Variants in SCAPER observed in about 807,000 individuals in gnomAD.
SCAPER encodes S phase cyclin A-associated protein in the endoplasmic reticulum.
SCAPER carries 98 observed loss-of-function variants against 182.2 expected under a neutral mutation model. The ratio of observed to expected loss-of-function variants is 0.54; its 90% CI spans 0.46 to 0.64. The LOEUF (loss-of-function observed/expected upper bound fraction) is 0.64, where lower values mean the gene tolerates loss of function less well. Ranked by LOEUF, SCAPER falls within the 30% of genes least tolerant of loss-of-function variation. The probability of loss-of-function intolerance (pLI) is 0.00; values close to 1 mark genes in which losing one functional copy is unlikely to be tolerated. For synonymous variants in SCAPER, 605 were observed against 564.6 expected, an observed-to-expected ratio of 1.07 and a Z score of -1.01; for missense variants, 1,432 against 1,690.0, an observed-to-expected ratio of 0.85 and a Z score of 2.68.
intron 23 of SCAPER, among the ~76,000 whole-genome samples, chr15:76,549,643 G>A (rs2045588458): frequency 6.6e-6 from 1 of 152,058 alleles, no homozygotes; most frequent in South Asian, 2.1e-4. Context: ...TATACCTAAT[G>A]TTAAATGACG....
chr15:76,810,203 C>A (rs1001950879), intron 5 of SCAPER, among the ~76,000 whole-genome samples: 25 of 151,894 alleles, frequency 1.6e-4, no homozygotes, highest in African/African-American at 6.0e-4. Flanking sequence ...AATAAAAGAA[C>A]ATTTTATGAC....
At chr15:76,871,401 T>C (rs1595856756) in intron 2 of SCAPER, among the ~76,000 whole-genome samples, 1 of 118,936 alleles carries the variant, frequency 8.4e-6, no homozygotes, top group Non-Finnish European at 1.6e-5. Context: ...AGAACGAGAC[T>C]CCATCTCAAA....
At chr15:76,658,043 T>C (rs971161472) in intron 21 of SCAPER, among the ~76,000 whole-genome samples, 2 of 152,068 alleles carry the variant, frequency 1.3e-5, no homozygotes, top group African/African-American at 2.4e-5. Flanking sequence ...CTATTCAGCA[T>C]AGTACTGGAA....
At chr15:76,835,551 A>G (rs1181060034) in intron 5 of SCAPER, among the ~76,000 whole-genome samples, 1 of 152,226 alleles carries the variant, frequency 6.6e-6, no homozygotes, top group Non-Finnish European at 1.5e-5. Flanking sequence ...AACTGAAAAT[A>G]ATAAGAGCCA....
At chr15:76,411,503 A>G (rs2045285047) in intron 26 of SCAPER, among the ~76,000 whole-genome samples, 2 of 152,216 alleles carry the variant, frequency 1.3e-5, no homozygotes, top group Non-Finnish European at 2.9e-5. Flanking sequence ...CCTGTATGCT[A>G]TGATTTGTTT....
intron 28 of SCAPER, among the ~76,000 whole-genome samples, chr15:76,376,599 C>T (rs1256785206): frequency 6.6e-6 from 1 of 152,166 alleles, no homozygotes; most frequent in Non-Finnish European, 1.5e-5. Flanking sequence ...TTTTTAATAA[C>T]TTAATTTTTC....
intron 27 of SCAPER, among the ~76,000 whole-genome samples, chr15:76,392,893 C>T (rs1214325002): frequency 6.6e-6 from 1 of 152,164 alleles, no homozygotes; most frequent in African/African-American, 2.4e-5. Context: ...ACATTCTGCT[C>T]CTCTAAACCC....
intron 23 of SCAPER, among the ~76,000 whole-genome samples, chr15:76,544,251 A>AT (rs1414616467): frequency 1.3e-5 from 2 of 152,162 alleles, no homozygotes; most frequent in Admixed American, 1.3e-4. Context: ...CTTTGGAAAA[A>AT]TTTGCCAGTT....
chr15:76,817,865 C>G (rs1158581735), intron 5 of SCAPER, among the ~76,000 whole-genome samples: 1 of 152,096 alleles, frequency 6.6e-6, no homozygotes, highest in African/African-American at 2.4e-5. Context: ...GATAGGATGA[C>G]TCAATATTGT....
chr15:76,700,743 A>C lies in SCAPER; in HGVS notation c.2508+1015T>G, dbSNP rs534429021. Among the ~76,000 whole-genome samples the C allele has an allele frequency of 3.3e-5, 5 of 152,340 alleles. No homozygotes were observed. The East Asian group carries it at 9.6e-4, about 29-fold the overall frequency. On this transcript the variant is annotated intron_variant, in intron 20 of 31. Transcript: ENST00000563290. ...CAACTACAGACATGTTCCTGATGCT[A>C]CACAGGAGGGCACTGACATAAAGCT...
chr15:76,621,356 G>A (rs538092438), intron 22 of SCAPER, among the ~76,000 whole-genome samples: 15 of 152,214 alleles, frequency 9.9e-5, no homozygotes, highest in African/African-American at 2.4e-5. Flanking sequence ...GGACTGGCCC[G>A]AGGAACAATC....
At chr15:76,484,997 C>G (rs1022808331) in intron 24 of SCAPER, among the ~76,000 whole-genome samples, 2 of 152,184 alleles carry the variant, frequency 1.3e-5, no homozygotes, top group Non-Finnish European at 2.9e-5. Context: ...TGGCACAAGA[C>G]AAGGATGTCC....
At chr15:76,799,678 A>G (rs2065608536) in intron 7 of SCAPER, among the ~76,000 whole-genome samples, 1 of 152,202 alleles carries the variant, frequency 6.6e-6, no homozygotes, top group African/African-American at 2.4e-5. Flanking sequence ...TCTTGAAATA[A>G]GAAGGAACTG....
chr15:76,842,881 C>T (rs2069616540), intron 4 of SCAPER, among the ~76,000 whole-genome samples: 1 of 152,186 alleles, frequency 6.6e-6, no homozygotes, highest in Admixed American at 6.5e-5. Context: ...AGGTTCAGTG[C>T]TGATAGCTCT....
At chr15:76,437,589 C>T (rs1018289926) in intron 25 of SCAPER, among the ~76,000 whole-genome samples, 3 of 152,194 alleles carry the variant, frequency 2.0e-5, no homozygotes, top group Non-Finnish European at 4.4e-5. Context: ...TAGGTAATGT[C>T]AGGGTTCTTC....
At chr15:76,869,270 T>C (rs1438806393) in intron 2 of SCAPER, among the ~76,000 whole-genome samples, 2 of 152,086 alleles carry the variant, frequency 1.3e-5, no homozygotes, top group Admixed American at 1.3e-4. Flanking sequence ...CAAATGAGAC[T>C]ATATTAGTAA....
chr15:76,349,290 G>A (rs1448419603), intron 31 of SCAPER: 2 of 152,214 alleles, frequency 1.3e-5, no homozygotes, highest in Non-Finnish European at 2.9e-5. Flanking sequence ...GGGGAAAACT[G>A]TATGTAAATG....
intron 14 of SCAPER, among the ~76,000 whole-genome samples, chr15:76,763,127 CAT>C (rs1284516752): frequency 6.6e-6 from 1 of 152,192 alleles, no homozygotes; most frequent in Non-Finnish European, 1.5e-5. Context: ...ACTCCATTAG[CAT>C]TTCTTCTCAG....
chr15:76,524,706 T>G (rs1362670632), intron 23 of SCAPER, among the ~76,000 whole-genome samples: 11 of 146,220 alleles, frequency 7.5e-5, no homozygotes, highest in Non-Finnish European at 1.4e-4. Flanking sequence ...TTTTTTTTTT[T>G]TTTTTTTTTT....
Sources: allele counts gnomAD v4.1 joint callset (sites outside exome capture counted in the v4.1 genomes callset), GRCh38; gene constraint gnomAD v4.1.1; transcripts MANE v1.5; gene names NCBI Gene and HGNC (gene_info 2026-07-23, HGNC 2026-07-21).